PTPRG: variants seen among roughly 807,000 people sequenced by gnomAD.
PTPRG encodes the protein receptor-type tyrosine-protein phosphatase gamma.
PTPRG carries 102 observed loss-of-function variants against 165.3 expected under a neutral mutation model. That is an observed-to-expected ratio of 0.62 (90% CI 0.53 to 0.73). The LOEUF is 0.73. Among genes scored for constraint, PTPRG ranks in the 30% least tolerant of loss-of-function variants. The pLI, the probability that PTPRG is intolerant of heterozygous loss-of-function variation, is 0.00. For synonymous variants in PTPRG, 675 were observed against 669.5 expected (o/e 1.01, Z -0.13); for missense variants, 1,866 against 1,861.4 (o/e 1.00, Z -0.05).
chr3:61,923,895 A>C (rs1318369158), intron 2 of PTPRG, among the ~76,000 whole-genome samples: 1 of 151,882 alleles, frequency 6.6e-6, no homozygotes, highest in Non-Finnish European at 1.5e-5. Flanking sequence ...GGGATGTATT[A>C]ACTGTTAATT....
intron 4 of PTPRG, among the ~76,000 whole-genome samples, chr3:62,022,622 T>C (rs1170182187): frequency 6.6e-6 from 1 of 152,212 alleles, no homozygotes; most frequent in Non-Finnish European, 1.5e-5. Context: ...TGAATGGGGA[T>C]GGAACCCTGG....
chr3:61,843,259 A>G (rs1457803403), intron 2 of PTPRG, among the ~76,000 whole-genome samples: 1 of 152,158 alleles, frequency 6.6e-6, no homozygotes, highest in African/African-American at 2.4e-5. Context: ...AAACAAACAA[A>G]ATCAAGGGTT....
chr3:61,774,526 CAAG>C (rs2107042768), intron 2 of PTPRG, among the ~76,000 whole-genome samples: 1 of 152,246 alleles, frequency 6.6e-6, no homozygotes, highest in South Asian at 2.1e-4. Flanking sequence ...CACCAGAGGA[CAAG>C]AAGGCCACAA....
chr3:61,842,609 C>A (rs1268612326), intron 2 of PTPRG, among the ~76,000 whole-genome samples: 1 of 148,398 alleles, frequency 6.7e-6, no homozygotes, highest in African/African-American at 2.5e-5. Context: ...TGCTACAACA[C>A]AACTTGTTTC....
intron 2 of PTPRG, among the ~76,000 whole-genome samples, chr3:61,932,886 C>T (rs899940617): frequency 6.6e-6 from 1 of 152,146 alleles, no homozygotes; most frequent in African/African-American, 2.4e-5. Flanking sequence ...CAGGCAGTGC[C>T]GCAGAGCCTT....
intron 1 of PTPRG, among the ~76,000 whole-genome samples, chr3:61,639,151 T>C (rs1287732758): frequency 6.6e-6 from 1 of 152,214 alleles, no homozygotes; most frequent in East Asian, 1.9e-4. Flanking sequence ...CCAGTATCAT[T>C]AATTGAATAG....
rs781358799 is a variant in PTPRG at position 62,203,964 on chromosome 3, G to T, written c.2155+14G>T. On this transcript the variant is annotated intron_variant, in intron 12 of 29. Coordinates refer to ENST00000474889, the MANE Select transcript of PTPRG (RefSeq NM_002841.4). The surrounding 1 kb of genome is among the most constrained non-coding windows in gnomAD (Gnocchi z 6.4). ...CTGTTAATCCAGGTAAGTGGTGCAG[G>T]TCTTCTTCGAGGGTTCCTGCTCCTG... 2 of 1,536,208 alleles carry T rather than the reference G, an allele frequency of 1.3e-6. No homozygotes were observed. Among genetic ancestry groups the T allele is most frequent in the African/African-American group, 1.4e-5 (1 of 72,556 alleles).
chr3:62,081,093 T>C (rs957545467), intron 5 of PTPRG, among the ~76,000 whole-genome samples: 1 of 151,300 alleles, frequency 6.6e-6, no homozygotes, highest in Non-Finnish European at 1.5e-5. Flanking sequence ...CCATCTCTAC[T>C]AAAAATACAA....
rs1701112922 is a variant in PTPRG, at chr3:62,239,582, CTGGTCTCAA to C, written c.2376-4224_2376-4216del. On this transcript the variant is annotated intron_variant, in intron 14 of 29. Transcript: ENST00000474889. ...ACGGGGTTTCACCATCTTGGCCAGG[CTGGTCTCAA>C]ACTTGTGATCCACCCACCTCGGCCT... 2.6e-5 allele frequency among the ~76,000 whole-genome samples: 4 copies of C among 151,870 alleles called. No homozygotes were observed. In the South Asian group the frequency reaches 8.3e-4, roughly 32 times the overall value.
chr3:61,670,586 C>G (rs753928827), intron 1 of PTPRG, among the ~76,000 whole-genome samples: 1 of 152,138 alleles, frequency 6.6e-6, no homozygotes, highest in African/African-American at 2.4e-5. Context: ...AAAGCTAGAC[C>G]TAGAGCAGAC....
chr3:61,690,688 A>G (rs2030141510), intron 1 of PTPRG, among the ~76,000 whole-genome samples: 1 of 152,172 alleles, frequency 6.6e-6, no homozygotes, highest in South Asian at 2.1e-4. Context: ...ATCCTAAGAG[A>G]AAACTGTTCA....
At chr3:62,021,062 GA>G (rs1383165408) in intron 4 of PTPRG, among the ~76,000 whole-genome samples, 1 of 152,122 alleles carries the variant, frequency 6.6e-6, no homozygotes, top group Non-Finnish European at 1.5e-5. Context: ...GTGTGAGTAC[GA>G]CTCTGGTCAT....
chr3:61,583,609 C>T (rs954867512), intron 1 of PTPRG, among the ~76,000 whole-genome samples: 2 of 152,226 alleles, frequency 1.3e-5, no homozygotes, highest in African/African-American at 4.8e-5. Flanking sequence ...CCTCTCCTCT[C>T]TGTGTTCTTG....
At chr3:61,716,343 A>G (rs1345248394) in intron 1 of PTPRG, among the ~76,000 whole-genome samples, 1 of 152,188 alleles carries the variant, frequency 6.6e-6, no homozygotes, top group African/African-American at 2.4e-5. Flanking sequence ...TTTATCAAAG[A>G]TGTATCTCAA....
At chr3:62,030,358 A>G (rs1246214024) in intron 4 of PTPRG, among the ~76,000 whole-genome samples, 2 of 152,200 alleles carry the variant, frequency 1.3e-5, no homozygotes, top group African/African-American at 4.8e-5. Flanking sequence ...AAAACAGTCT[A>G]ATTGAAATAT....
At chr3:61,755,489 A>G (rs950321812) in intron 2 of PTPRG, among the ~76,000 whole-genome samples, 4 of 152,286 alleles carry the variant, frequency 2.6e-5, no homozygotes, top group Middle Eastern at 3.4e-3. Flanking sequence ...TCTTTTCTAC[A>G]TATCCCTATT....
intron 1 of PTPRG, among the ~76,000 whole-genome samples, chr3:61,563,269 A>C (rs895127126): frequency 1.3e-5 from 2 of 152,112 alleles, no homozygotes; most frequent in Admixed American, 6.5e-5. Flanking sequence ...CGCGGCTGGC[A>C]GACCCAGTCT....
chr3:62,025,578 T>C (rs966063069), intron 4 of PTPRG, among the ~76,000 whole-genome samples: 1 of 152,192 alleles, frequency 6.6e-6, no homozygotes, highest in Non-Finnish European at 1.5e-5. Flanking sequence ...AATGTAACCA[T>C]TATGGAGTAA....
In PTPRG at chr3:61,859,552, C is replaced by A. The variant is rs375578719; in HGVS notation, c.190+110570C>A. On this transcript the variant is annotated intron_variant, in intron 2 of 29. Transcript: ENST00000474889. Reference sequence around the variant, plus strand: ...TTGTTTAAGCGAAATTCTATGAGCCCCCAGGACAATTGACACAAGGAGAGT... The same window carrying A: ...TTGTTTAAGCGAAATTCTATGAGCCACCAGGACAATTGACACAAGGAGAGT... Among the ~76,000 whole-genome samples the A allele has an allele frequency of 4.0e-5, 6 of 151,848 alleles. No homozygotes were observed. The East Asian group carries it at 9.7e-4, about 24-fold the overall frequency.
Sources: allele counts gnomAD v4.1 joint callset (sites outside exome capture counted in the v4.1 genomes callset), GRCh38; gene constraint gnomAD v4.1.1; non-coding constraint Gnocchi (gnomAD v3.1); transcripts MANE v1.5; gene names NCBI Gene and HGNC (gene_info 2026-07-23, HGNC 2026-07-21).